HECTD4: variants seen among roughly 807,000 people sequenced by gnomAD.
HECTD4 encodes the protein HECT domain E3 ubiquitin protein ligase 4.
In HECTD4, 114 loss-of-function variants were observed where a neutral mutation model predicts 471.5. The observed-to-expected ratio is 0.24, with a 90% CI of 0.21 to 0.28. The LOEUF (loss-of-function observed/expected upper bound fraction) is 0.28, where lower values mean the gene tolerates loss of function less well. HECTD4 is among the 10% of genes least tolerant of loss of function. The probability of loss-of-function intolerance (pLI) is 1.00; values close to 1 mark genes in which losing one functional copy is unlikely to be tolerated. For missense variants in HECTD4, 3,866 were observed against 5,651.5 expected (o/e 0.68, Z 10.13); for synonymous variants, 2,012 against 2,256.0 (o/e 0.89, Z 3.07).
Position 112,172,774 on chromosome 12 carries a change from G to T in HECTD4, c.11682C>A (p.Asn3894Lys). The stretch of plus-strand genomic sequence containing the variant: ...TGATGGCGAGGTGGCGGCATAGCTG[G>T]TTGATGTACTGCACAAGTGCCACGT... ...EMDVALVQYI[N>K]QLCRHLAITP... is the part of the protein sequence containing the mutation. The change falls in exon 67 of 76, where the codon AAC becomes AAA. Residue 3894 changes from asparagine to lysine, a missense_variant. Physicochemically the swap from Asn to Lys is moderately conservative, Grantham distance 94. Coordinates refer to ENST00000682272, the MANE Select transcript of HECTD4 (RefSeq NM_001388303.1). 1 of 1,614,004 alleles carries T rather than the reference G, an allele frequency of 6.2e-7. No homozygotes were observed. The highest frequency in any genetic ancestry group is 8.5e-7 in the Non-Finnish European group (1 of 1,179,884).
Position 112,160,452 on chromosome 12 carries a change from C to T in HECTD4, c.*1935G>A, listed in dbSNP as rs1227268628. The T allele has an allele frequency of 1.3e-5, 2 of 152,132 alleles. No homozygotes were observed. The highest frequency in any genetic ancestry group is 3.9e-4 in the East Asian group (2 of 5,192). The allele number at this position is 152,132 out of a possible 1,614,324, so 9.4% of individuals were successfully genotyped here. A position where few individuals can be genotyped will look rare whatever the true frequency, so the allele number is the denominator to read the frequency against. The stretch of plus-strand genomic sequence containing the variant: ...ACCATAAATAATTATAATAAATATA[C>T]ATCAAGTAACTTTACAGCACACATT... On this transcript the variant is annotated 3_prime_UTR_variant, in exon 76 of 76. Coordinates refer to ENST00000682272, the MANE Select transcript of HECTD4 (RefSeq NM_001388303.1).
At chr12:112,367,306 AAAAGAAAGAAAG>A (rs3031822) in intron 1 of HECTD4, among the ~76,000 whole-genome samples, 10,609 of 133,850 alleles carry the variant, frequency 0.079, 479 homozygotes, top group East Asian at 0.23. Context: ...CTCAAAAAAA[AAAAGAAAGAAAG>A]AAAGAAAGAA....
intron 9 of HECTD4, among the ~76,000 whole-genome samples, chr12:112,276,510 C>T (rs914159525): frequency 2.0e-5 from 3 of 152,156 alleles, no homozygotes; most frequent in Non-Finnish European, 2.9e-5. Flanking sequence ...TGCAGTGGCG[C>T]GATCTAGGCT....
At chr12:112,217,440 A>G (rs572664629) in intron 45 of HECTD4, among the ~76,000 whole-genome samples, 5 of 152,216 alleles carry the variant, frequency 3.3e-5, no homozygotes, top group African/African-American at 1.2e-4. Context: ...TGCAGCCTCA[A>G]GCTCCTGGGC....
intron 20 of HECTD4, among the ~76,000 whole-genome samples, chr12:112,258,111 C>T (rs1302970435): frequency 6.6e-6 from 1 of 151,890 alleles, no homozygotes. Flanking sequence ...ATTGCTTGAA[C>T]CCAGGAGGTG....
At chr12:112,358,104 G>A (rs2036377847) in intron 1 of HECTD4, among the ~76,000 whole-genome samples, 1 of 152,140 alleles carries the variant, frequency 6.6e-6, no homozygotes, top group Non-Finnish European at 1.5e-5. Flanking sequence ...TCCAGAGGTT[G>A]AGGCACAAGA....
chr12:112,309,615 T>C lies in HECTD4; in HGVS notation c.971A>G (p.Asn324Ser). Reference protein sequence around the residue: ...TADGLYLYTTNSVGRGVSKLG... With the variant: ...TADGLYLYTTSSVGRGVSKLG... The stretch of plus-strand genomic sequence containing the variant: ...TTTGCTTACTCCTCTTCCAACTGAG[T>C]TAGTAGTATACAGGTAAAGACCATC... Residue 324 changes from asparagine (N) to serine (S), a missense_variant, in exon 5 of 76, where the codon AAC becomes AGC. Physicochemically the swap from Asn to Ser is conservative, Grantham distance 46. Coordinates refer to ENST00000682272, the MANE Select transcript of HECTD4 (RefSeq NM_001388303.1). 6.5e-7 allele frequency: 1 copy of C among 1,535,816 alleles called. No individual in the cohort carries two copies. The highest frequency in any genetic ancestry group is 8.7e-7 in the Non-Finnish European group (1 of 1,145,820).
In HECTD4 at chr12:112,381,827, A is replaced by G. The variant is rs1221586779; in HGVS notation, c.177+125T>C. The G allele has an allele frequency of 1.7e-5, 10 of 592,506 alleles. No individual in the cohort carries two copies. The highest frequency in any genetic ancestry group is 2.4e-5 in the Non-Finnish European group (10 of 414,868). 36.7% of individuals were successfully genotyped at this position (592,506 alleles called of 1,614,324 possible). ...GGCCCCACCTGCCCGCCCCGCGCCC[A>G]CACACACCTGCCCCGGCAGCCGCCG... On this transcript the variant is annotated intron_variant, in intron 1 of 75. Transcript: ENST00000682272. This position sits in a 1 kb window ranked among gnomAD's most constrained non-coding sequence, Gnocchi z 4.1.
intron 48 of HECTD4, 87 bp downstream of exon 48, chr12:112,216,205 G>T: frequency 2.3e-6 from 2 of 876,988 alleles, no homozygotes; most frequent in Non-Finnish European, 1.8e-6. Context: ...ATTTCCAATT[G>T]CTAAATTTAT....
intron 1 of HECTD4, among the ~76,000 whole-genome samples, chr12:112,341,252 G>A (rs2036049641): frequency 6.6e-6 from 1 of 152,114 alleles, no homozygotes; most frequent in Non-Finnish European, 1.5e-5. Flanking sequence ...AGACAAACAA[G>A]CTACAGAAGG....
rs1480836715 is a variant in HECTD4 at position 112,167,866 on chromosome 12, G to C, written c.12260C>G (p.Ser4087Cys). 1 of 1,613,628 alleles carries C rather than the reference G, an allele frequency of 6.2e-7. No individual in the cohort carries two copies. The highest frequency in any genetic ancestry group is 1.7e-5 in the Admixed American group (1 of 60,026). The change falls in exon 71 of 76, where the codon TCC (serine) becomes TGC (cysteine). Residue 4087 changes from serine to cysteine, a missense_variant. By Grantham distance (112) the Ser-to-Cys change is moderately radical. Around this residue, in one of 16 missense-constraint regions of HECTD4, gnomAD observed 715 missense variants for 1,087.6 expected, o/e 0.66. Coordinates refer to ENST00000682272, the MANE Select transcript of HECTD4 (RefSeq NM_001388303.1). ...LWQVCKELQS[S>C]SLSLLLLCPS... ...GCACAGCAGCAGCAGCGACAGCGAGGAACTCTGCAGCTCCTTACACACCTG... is the reference window on the plus strand; with the variant it reads ...GCACAGCAGCAGCAGCGACAGCGAGCAACTCTGCAGCTCCTTACACACCTG...
chr12:112,170,483 T>C (rs748903515), intron 68 of HECTD4, 31 bp from the exon 69 acceptor site: 1 of 1,610,366 alleles, frequency 6.2e-7, no homozygotes, highest in Non-Finnish European at 8.5e-7. Flanking sequence ...GAGGCTTGGG[T>C]GGGGCTTTGT....
Position 112,311,699 on chromosome 12 carries a change from A to C in HECTD4, c.916+1318T>G, listed in dbSNP as rs2035375616. Reference sequence around the variant, plus strand: ...ACCATTTCTCCCTAGATGCAAAACCAAAGGTTCAGGAAAATGAAAGCAAAC... The same window carrying C: ...ACCATTTCTCCCTAGATGCAAAACCCAAGGTTCAGGAAAATGAAAGCAAAC... On this transcript the variant is annotated intron_variant, in intron 4 of 75. Transcript: ENST00000682272. Among the ~76,000 whole-genome samples the C allele has an allele frequency of 2.0e-5, 3 of 152,066 alleles. No individual in the cohort carries two copies. In the South Asian group the frequency reaches 6.2e-4, roughly 32 times the overall value.
chr12:112,317,625 A>G (rs2035504737), intron 2 of HECTD4, among the ~76,000 whole-genome samples: 1 of 152,164 alleles, frequency 6.6e-6, no homozygotes. Context: ...CTTCTTTCTC[A>G]CAAACAGATG....
At chr12:112,237,634 G>C (rs773026874) in intron 34 of HECTD4, among the ~76,000 whole-genome samples, 7 of 152,146 alleles carry the variant, frequency 4.6e-5, no homozygotes, top group Non-Finnish European at 1.0e-4. Flanking sequence ...GGGAAGCTTT[G>C]CTGGATCCCT....
Position 112,265,224 on chromosome 12 carries a change from C to T in HECTD4, c.2570G>A (p.Cys857Tyr). 6.2e-7 allele frequency: 1 copy of T among 1,606,872 alleles called. No homozygotes were observed. The highest frequency in any genetic ancestry group is 8.5e-7 in the Non-Finnish European group (1 of 1,176,072). Residue 857 changes from cysteine to tyrosine, a missense_variant, in exon 16 of 76, where the codon TGC (cysteine) becomes TAC (tyrosine). Coordinates refer to ENST00000682272, the MANE Select transcript of HECTD4 (RefSeq NM_001388303.1). ...AAAATCATCTTTAGAGACAGTTTGG[C>T]ACTTGGTGATTAAGATACAGGATTC... ...VRESCILITK[C>Y]QTVSKDDFQK...
chr12:112,237,572 T>C (rs1465768462), intron 34 of HECTD4, among the ~76,000 whole-genome samples: 1 of 152,228 alleles, frequency 6.6e-6, no homozygotes, highest in Non-Finnish European at 1.5e-5. Context: ...CTGTTTGTTC[T>C]GCTCGAAAGT....
intron 44 of HECTD4, among the ~76,000 whole-genome samples, chr12:112,220,341 G>A (rs151085118): frequency 6.6e-6 from 1 of 152,040 alleles, no homozygotes; most frequent in Non-Finnish European, 1.5e-5. Context: ...AATAAGATGC[G>A]CACACACGCA....
In HECTD4 at chr12:112,306,166, C is replaced by T; in HGVS notation, c.1233G>A (p.Leu411=). 6.2e-7 allele frequency: 1 copy of T among 1,612,624 alleles called. No individual in the cohort carries two copies. Among genetic ancestry groups the T allele is most frequent in the Non-Finnish European group, 8.5e-7 (1 of 1,179,524 alleles). Residue 411 remains leucine, a synonymous_variant, in exon 7 of 76, where the codon CTG becomes CTA. Coordinates refer to ENST00000682272, the MANE Select transcript of HECTD4 (RefSeq NM_001388303.1). ...AATAGAAGTAAGTGCCATCTGAAGA[C>T]AGGTGCACAGTGCTCATGGTGCTGC... The part of the protein sequence containing the change: ...PIGSTMSTVH[L]SSDGTYFYWI...
Sources: allele counts gnomAD v4.1 joint callset (sites outside exome capture counted in the v4.1 genomes callset), GRCh38; gene constraint gnomAD v4.1.1; regional missense constraint gnomAD v4.1.1; non-coding constraint Gnocchi (gnomAD v3.1); transcripts MANE v1.5; gene names NCBI Gene and HGNC (gene_info 2026-07-23, HGNC 2026-07-21).